CBFA2T2: variants seen among roughly 807,000 people sequenced by gnomAD.
CBFA2T2 encodes the protein CBFA2/RUNX1 partner transcriptional co-repressor 2, also known as protein CBFA2T2.
CBFA2T2 carries 11 observed loss-of-function variants against 62.2 expected under a neutral mutation model. That is an observed-to-expected ratio of 0.18 (90% CI 0.11 to 0.29). The LOEUF is 0.29. CBFA2T2 is among the 10% of genes least tolerant of loss of function. The pLI is 1.00. For synonymous variants in CBFA2T2, 295 were observed against 287.5 expected (o/e 1.03, Z -0.27); for missense variants, 592 against 774.1 (o/e 0.76, Z 2.79).
intron 1 of CBFA2T2, among the ~76,000 whole-genome samples, chr20:33,599,342 A>G (rs1187031332): frequency 6.6e-6 from 1 of 152,166 alleles, no homozygotes; most frequent in African/African-American, 2.4e-5. Flanking sequence ...ATTTATTTGT[A>G]TATTGTCTAT....
chr20:33,545,083 T>C (rs1046127794), intron 1 of CBFA2T2, among the ~76,000 whole-genome samples: 1 of 152,188 alleles, frequency 6.6e-6, no homozygotes, highest in Non-Finnish European at 1.5e-5. Context: ...GTTTCTTTAC[T>C]CCAAATGACG....
At chr20:33,604,655 C>T (rs984163564) in intron 1 of CBFA2T2, among the ~76,000 whole-genome samples, 1 of 152,214 alleles carries the variant, frequency 6.6e-6, no homozygotes, top group Non-Finnish European at 1.5e-5. Context: ...CTTTTTTATT[C>T]TGCCAAGTGC....
At chr20:33,492,018 G>A (rs915644560) in intron 1 of CBFA2T2, among the ~76,000 whole-genome samples, 1 of 151,872 alleles carries the variant, frequency 6.6e-6, no homozygotes, top group South Asian at 2.1e-4. Context: ...GAGTAGCTGC[G>A]ATTACAGGCG....
chr20:33,540,000 A>C (rs2012369592), intron 1 of CBFA2T2, among the ~76,000 whole-genome samples: 1 of 152,072 alleles, frequency 6.6e-6, no homozygotes, highest in African/African-American at 2.4e-5. Context: ...TTTAGGTTTT[A>C]GGAGTGAAGT....
intron 1 of CBFA2T2, among the ~76,000 whole-genome samples, chr20:33,545,125 G>A (rs1011749704): frequency 3.3e-5 from 5 of 151,918 alleles, no homozygotes; most frequent in Admixed American, 1.3e-4. Context: ...TTTGGTATGT[G>A]TAATTCAAAA....
chr20:33,614,484 C>G (rs1194146019), intron 3 of CBFA2T2, among the ~76,000 whole-genome samples: 7 of 152,130 alleles, frequency 4.6e-5, no homozygotes, highest in African/African-American at 7.2e-5. Context: ...TTCATATTAT[C>G]ATACAACCAT....
chr20:33,582,010 G>C (rs1416850436), intron 1 of CBFA2T2, among the ~76,000 whole-genome samples: 1 of 152,152 alleles, frequency 6.6e-6, no homozygotes, highest in Non-Finnish European at 1.5e-5. Flanking sequence ...TCTGTGATTT[G>C]ATTGTACTTA....
intron 1 of CBFA2T2, among the ~76,000 whole-genome samples, chr20:33,601,607 C>G (rs149448821): frequency 1.4e-3 from 211 of 151,542 alleles, no homozygotes; most frequent in African/African-American, 4.9e-3. Context: ...TAATGGCTTC[C>G]TTGGCCAGCT....
intron 1 of CBFA2T2, among the ~76,000 whole-genome samples, chr20:33,565,316 C>G (rs924437999): frequency 6.6e-6 from 1 of 152,152 alleles, no homozygotes; most frequent in Non-Finnish European, 1.5e-5. Context: ...ATCTTTGGGA[C>G]TTTTCTGAAT....
At chr20:33,537,975 T>G (rs1033227250) in intron 1 of CBFA2T2, among the ~76,000 whole-genome samples, 1 of 151,898 alleles carries the variant, frequency 6.6e-6, no homozygotes, top group African/African-American at 2.4e-5. Context: ...TCCAAATAAA[T>G]TCTAGAATTA....
rs376048540 is a variant in CBFA2T2, at chr20:33,559,172, CTTTTT to C, written c.35-47767_35-47763del. Among the ~76,000 whole-genome samples the C allele has an allele frequency of 8.6e-3, 754 of 87,620 alleles. 8 individuals carry two copies. The highest frequency in any genetic ancestry group is 0.037 in the African/African-American group (709 of 19,094). 57.5% of individuals were successfully genotyped at this position (87,620 alleles called of 152,430 possible). ...CAATTGCAGCTTCTTTTTTTCCTTTCTTTTTTTTTTTTTTTTTTTTTCTGAGATGG... is the reference window on the plus strand; with the variant it reads ...CAATTGCAGCTTCTTTTTTTCCTTTCTTTTTTTTTTTTTTTTCTGAGATGG... On this transcript the variant is annotated intron_variant, in intron 1 of 10. Transcript: ENST00000342704.
At chr20:33,570,530 C>A (rs975445054) in intron 1 of CBFA2T2, among the ~76,000 whole-genome samples, 1 of 152,050 alleles carries the variant, frequency 6.6e-6, no homozygotes, top group African/African-American at 2.4e-5. Flanking sequence ...GAAACAGAGC[C>A]TTCTCTGACT....
At chr20:33,518,115 A>ATT (rs2011636560) in intron 1 of CBFA2T2, among the ~76,000 whole-genome samples, 1 of 151,636 alleles carries the variant, frequency 6.6e-6, no homozygotes, top group Non-Finnish European at 1.5e-5. Context: ...TGCCTGGCTA[A>ATT]TTTTTTGTAT....
intron 2 of CBFA2T2, among the ~76,000 whole-genome samples, chr20:33,607,916 T>C (rs1401443018): frequency 6.6e-6 from 1 of 152,200 alleles, no homozygotes; most frequent in Non-Finnish European, 1.5e-5. Flanking sequence ...TCAACTTCAC[T>C]AACCATCAAG....
chr20:33,544,995 T>TAGAACAGAAC (rs1568810922), intron 1 of CBFA2T2, among the ~76,000 whole-genome samples: 22 of 128,532 alleles, frequency 1.7e-4, no homozygotes, highest in African/African-American at 6.7e-4. Flanking sequence ...TAGAATAGAA[T>TAGAACAGAAC]AGAATAGAAT....
intron 1 of CBFA2T2, among the ~76,000 whole-genome samples, chr20:33,587,508 C>A (rs1349929572): frequency 6.6e-6 from 1 of 152,178 alleles, no homozygotes; most frequent in Admixed American, 6.5e-5. Flanking sequence ...CCTCGTGATC[C>A]GCCCCCCTTG....
intron 8 of CBFA2T2, among the ~76,000 whole-genome samples, chr20:33,630,259 G>A (rs1393246176): frequency 2.6e-5 from 4 of 152,116 alleles, no homozygotes; most frequent in Admixed American, 1.3e-4. Flanking sequence ...CGTACTTGGC[G>A]TGTTCAAAAA....
chr20:33,624,634 C>A, intron 5 of CBFA2T2, 130 bp from the exon 6 acceptor site: 1 of 985,706 alleles, frequency 1.0e-6, no homozygotes, highest in Non-Finnish European at 1.5e-6. Context: ...CCTCATGTCA[C>A]ACCTTTCCTT....
At chr20:33,513,727 T>A (rs2146856152) in intron 1 of CBFA2T2, among the ~76,000 whole-genome samples, 1 of 143,908 alleles carries the variant, frequency 6.9e-6, no homozygotes, top group East Asian at 2.2e-4. Context: ...GGCAGGAGAA[T>A]CGCTTGAACC....
Sources: allele counts gnomAD v4.1 joint callset (sites outside exome capture counted in the v4.1 genomes callset), GRCh38; gene constraint gnomAD v4.1.1; transcripts MANE v1.5; gene names NCBI Gene and HGNC (gene_info 2026-07-23, HGNC 2026-07-21).